EPHA6: variants seen among roughly 807,000 people sequenced by gnomAD.
The protein encoded by EPHA6 is EPH receptor A6.
A neutral mutation model predicts 112.0 loss-of-function variants in EPHA6; 50 were observed. The observed-to-expected ratio is 0.45, with a 90% CI of 0.36 to 0.56. The LOEUF (loss-of-function observed/expected upper bound fraction) is 0.56, where lower values mean the gene tolerates loss of function less well. Among genes scored for constraint, EPHA6 ranks in the 20% least tolerant of loss-of-function variants. The pLI, the probability that EPHA6 is intolerant of heterozygous loss-of-function variation, is 0.00. For missense variants in EPHA6, 1,280 were observed against 1,417.4 expected (o/e 0.90, Z 1.56); for synonymous variants, 529 against 490.7 (o/e 1.08, Z -1.03).
chr3:97,684,398 A>AT (rs1457791069), intron 14 of EPHA6, among the ~76,000 whole-genome samples: 2 of 152,188 alleles, frequency 1.3e-5, no homozygotes, highest in South Asian at 4.1e-4. Flanking sequence ...AAAATAAGAC[A>AT]TTTTAACTAC....
intron 3 of EPHA6, among the ~76,000 whole-genome samples, chr3:97,198,004 A>C (rs2077484057): frequency 6.6e-6 from 1 of 152,050 alleles, no homozygotes; most frequent in Non-Finnish European, 1.5e-5. Flanking sequence ...TCCCTTTCCC[A>C]AACACACAGA....
At chr3:97,157,897 G>A (rs2108391733) in intron 3 of EPHA6, among the ~76,000 whole-genome samples, 1 of 152,152 alleles carries the variant, frequency 6.6e-6, no homozygotes, top group African/African-American at 2.4e-5. Context: ...AACACACCCA[G>A]ATTAATATTT....
At position 97,754,834 on chromosome 3, in the gene EPHA6, G is replaced by C. The variant is rs1046217221; in HGVS notation, c.*6133G>C. ...TTCTCCTGCCTCAGTCTCCAGAGTA[G>C]CTGGAACTACAGGCGTCCGTCACCA... On this transcript the variant is annotated 3_prime_UTR_variant, in exon 18 of 18. Coordinates refer to ENST00000389672, the MANE Select transcript of EPHA6 (RefSeq NM_001080448.3). 1.3e-5 allele frequency among the ~76,000 whole-genome samples: 2 copies of C among 152,188 alleles called. No homozygotes were observed. The highest frequency in any genetic ancestry group is 2.9e-5 in the Non-Finnish European group (2 of 68,030).
chr3:97,112,098 A>C (rs895569965), intron 3 of EPHA6, among the ~76,000 whole-genome samples: 3 of 152,164 alleles, frequency 2.0e-5, no homozygotes, highest in African/African-American at 7.2e-5. Context: ...ACAATGATTC[A>C]TGTAGTAATA....
intron 2 of EPHA6, among the ~76,000 whole-genome samples, chr3:96,948,129 A>G (rs62263702): frequency 0.031 from 4,770 of 152,342 alleles, 108 homozygotes; most frequent in Middle Eastern, 0.065. Context: ...TTAAATAAGT[A>G]TGAAGGCAAA....
At chr3:97,106,996 G>A in intron 3 of EPHA6, among the ~76,000 whole-genome samples, 1 of 152,086 alleles carries the variant, frequency 6.6e-6, no homozygotes, top group Non-Finnish European at 1.5e-5. Context: ...AAAGAAACAA[G>A]TATAGAAAAT....
At chr3:97,528,757 A>T (rs935425618) in intron 10 of EPHA6, among the ~76,000 whole-genome samples, 8 of 152,114 alleles carry the variant, frequency 5.3e-5, no homozygotes, top group Non-Finnish European at 1.2e-4. Context: ...TTTATATGAA[A>T]ATCCCAATAC....
At chr3:97,308,203 T>C (rs1352467565) in intron 5 of EPHA6, among the ~76,000 whole-genome samples, 1 of 151,700 alleles carries the variant, frequency 6.6e-6, no homozygotes, top group Non-Finnish European at 1.5e-5. Flanking sequence ...CCATGATTAT[T>C]TCTCATCTGT....
rs2045597938 is a variant in EPHA6, at chr3:97,048,921, A to G, written c.1114+60928A>G. 2.0e-5 allele frequency among the ~76,000 whole-genome samples: 3 copies of G among 152,236 alleles called. No homozygotes were observed. In the South Asian group the frequency reaches 6.2e-4, roughly 31 times the overall value. On this transcript the variant is annotated intron_variant, in intron 3 of 17. Coordinates refer to ENST00000389672, the MANE Select transcript of EPHA6 (RefSeq NM_001080448.3). The stretch of plus-strand genomic sequence containing the variant: ...AGCAGGGGGATGTGCAGTTTTATGT[A>G]AACTGATCAGAAAAGGTCTCATTCT...
At chr3:97,337,620 C>G (rs2083116816) in intron 5 of EPHA6, among the ~76,000 whole-genome samples, 1 of 152,100 alleles carries the variant, frequency 6.6e-6, no homozygotes, top group Non-Finnish European at 1.5e-5. Flanking sequence ...AACATTTGTG[C>G]TATAAACCTT....
chr3:97,515,080 G>A (rs1261664071), intron 10 of EPHA6, among the ~76,000 whole-genome samples: 2 of 152,188 alleles, frequency 1.3e-5, no homozygotes, highest in Non-Finnish European at 1.5e-5. Flanking sequence ...GCCTAAAGAC[G>A]ATAGTTGGTG....
chr3:96,873,500 T>C (rs750982531), intron 2 of EPHA6, among the ~76,000 whole-genome samples: 1 of 152,146 alleles, frequency 6.6e-6, no homozygotes, highest in Non-Finnish European at 1.5e-5. Context: ...TTAAACAGTT[T>C]TACAAATTAT....
At chr3:97,448,888 T>A (rs1345431971) in intron 7 of EPHA6, among the ~76,000 whole-genome samples, 158 bp downstream of exon 7, 1 of 152,186 alleles carries the variant, frequency 6.6e-6, no homozygotes, top group African/African-American at 2.4e-5. Context: ...TAATATTTGT[T>A]GCTATCATTA....
intron 3 of EPHA6, among the ~76,000 whole-genome samples, chr3:97,023,270 AG>A (rs2044524451): frequency 6.6e-6 from 1 of 152,006 alleles, no homozygotes; most frequent in Non-Finnish European, 1.5e-5. Flanking sequence ...TAGTAGAGAC[AG>A]GGTTTCACTG....
At chr3:97,691,208 G>A (rs1351950772) in intron 14 of EPHA6, among the ~76,000 whole-genome samples, 1 of 152,172 alleles carries the variant, frequency 6.6e-6, no homozygotes, top group African/African-American at 2.4e-5. Context: ...TTCCTCCATT[G>A]AATTATCTTG....
At chr3:96,861,318 G>A (rs756531998) in intron 1 of EPHA6, among the ~76,000 whole-genome samples, 1 of 152,040 alleles carries the variant, frequency 6.6e-6, no homozygotes, top group Non-Finnish European at 1.5e-5. Flanking sequence ...ATAGCAAACT[G>A]CTTCACTTGA....
intron 2 of EPHA6, among the ~76,000 whole-genome samples, chr3:96,945,414 T>C (rs1168387962): frequency 3.3e-5 from 5 of 152,174 alleles, no homozygotes; most frequent in Non-Finnish European, 7.3e-5. Flanking sequence ...AGCTGACTCA[T>C]ACATGATCAA....
Position 96,814,990 on chromosome 3 carries a change from C to T in EPHA6, c.367C>T (p.His123Tyr). 1 of 1,526,596 alleles carries T rather than the reference C, an allele frequency of 6.6e-7. No individual in the cohort carries two copies. Among genetic ancestry groups the T allele is most frequent in the Non-Finnish European group, 8.8e-7 (1 of 1,131,300 alleles). The allele number at this position is 1,526,596 out of a possible 1,614,324, so 94.6% of individuals were successfully genotyped here. Residue 123 changes from histidine to tyrosine, a missense_variant, in exon 1 of 18, where the codon CAC becomes TAC. His to Tyr is a moderately conservative substitution (Grantham distance 83). Transcript: ENST00000389672. ...LLTAWPGDCS[H>Y]VSNNQVVLLD... ...GACAGCGTGGCCAGGCGACTGCAGT[C>T]ACGTCTCCAACAACCAAGGTAAGGG...
chr3:97,239,199 T>G lies in EPHA6; in HGVS notation c.1271-4753T>G, dbSNP rs368698081. On this transcript the variant is annotated intron_variant, in intron 4 of 17. Coordinates refer to ENST00000389672, the MANE Select transcript of EPHA6 (RefSeq NM_001080448.3). ...TTACTTTGAAAACTTAAGTTTCAGT[T>G]GCTCTTCTGTATATAAAATTATTTA... is the stretch of plus-strand genomic sequence containing the variant. 2.4e-4 allele frequency among the ~76,000 whole-genome samples: 36 copies of G among 152,084 alleles called. No homozygotes were observed. In the East Asian group the frequency reaches 5.6e-3, roughly 24 times the overall value.
Sources: gnomAD v4.1 joint callset for allele counts (sites outside exome capture counted in the v4.1 genomes callset) on GRCh38, gnomAD v4.1.1 for gene constraint, MANE v1.5 for transcripts, NCBI Gene and HGNC (gene_info 2026-07-23, HGNC 2026-07-21) for gene names.